The following ECPAS variants were observed in gnomAD, a reference collection of about 807,000 sequenced individuals.
The protein encoded by ECPAS is Ecm29 proteasome adaptor and scaffold.
ECPAS carries 70 observed loss-of-function variants against 255.1 expected under a neutral mutation model. The ratio of observed to expected loss-of-function variants is 0.27; its 90% CI spans 0.23 to 0.33. The LOEUF (loss-of-function observed/expected upper bound fraction) is 0.33, where lower values mean the gene tolerates loss of function less well. ECPAS is among the 10% of genes least tolerant of loss of function. The pLI, the probability that ECPAS is intolerant of heterozygous loss-of-function variation, is 1.00. For missense variants in ECPAS, 1,817 were observed against 2,206.4 expected (o/e 0.82, Z 3.54); for synonymous variants, 784 against 775.0 (o/e 1.01, Z -0.19).
chr9:111,392,744 C>T, intron 28 of ECPAS, 24 bp downstream of exon 28: 2 of 1,497,240 alleles, frequency 1.3e-6, no homozygotes, highest in Non-Finnish European at 1.9e-6. Context: ...GGGCTTGAAT[C>T]TAAAATTTTC....
At chr9:111,431,852 T>C (rs946473989) in intron 8 of ECPAS, among the ~76,000 whole-genome samples, 2 of 152,228 alleles carry the variant, frequency 1.3e-5, no homozygotes, top group South Asian at 2.1e-4. Flanking sequence ...AGAGGCATTC[T>C]ACAATTCTGT....
At chr9:111,388,816 A>G (rs188402557) in intron 31 of ECPAS, among the ~76,000 whole-genome samples, 1 of 152,298 alleles carries the variant, frequency 6.6e-6, no homozygotes, top group East Asian at 1.9e-4. Context: ...AAAATAAAGT[A>G]TGACACCAAG....
At chr9:111,425,554 T>A in intron 11 of ECPAS, 58 bp from the exon 12 acceptor site, 1 of 1,203,494 alleles carries the variant, frequency 8.3e-7, no homozygotes, top group Non-Finnish European at 1.2e-6. Flanking sequence ...TACATATCTT[T>A]ACGGATGATT....
At chr9:111,401,085 AG>A (rs2098175276) in intron 24 of ECPAS, among the ~76,000 whole-genome samples, 1 of 152,218 alleles carries the variant, frequency 6.6e-6, no homozygotes. Flanking sequence ...ACAGGCCAGG[AG>A]GGAGTGAAAT....
chr9:111,481,642 G>A (rs78202172), intron 1 of ECPAS, among the ~76,000 whole-genome samples: 3,605 of 152,320 alleles, frequency 0.024, 148 homozygotes, highest in African/African-American at 0.082. Context: ...AGGGGTATCT[G>A]TACACCCATG....
chr9:111,405,979 G>C (rs2098183391), intron 24 of ECPAS, among the ~76,000 whole-genome samples: 1 of 149,634 alleles, frequency 6.7e-6, no homozygotes, highest in Admixed American at 6.6e-5. Flanking sequence ...ACTAAAAATA[G>C]AACTATCATA....
rs753297889 is a variant in ECPAS at position 111,394,172 on chromosome 9, G to C, written c.2910C>G (p.His970Gln). The C allele has an allele frequency of 6.2e-7, 1 of 1,606,728 alleles. No individual in the cohort carries two copies. Among genetic ancestry groups the C allele is most frequent in the Non-Finnish European group, 8.5e-7 (1 of 1,176,768 alleles). Residue 970 changes from histidine to glutamine, a missense_variant, in exon 26 of 50, where the codon CAC becomes CAG. Transcript: ENST00000684092. Reference sequence around the variant, plus strand: ...CAGCATGGCTCACCTTCACTTCTTTGTGGGTACTTAGCTTCCTGACAAGGG... The same window carrying C: ...CAGCATGGCTCACCTTCACTTCTTTCTGGGTACTTAGCTTCCTGACAAGGG... ...LLSLVRKLST[H>Q]KEVKSHLKEI...
chr9:111,391,394 A>G (rs967719539), intron 29 of ECPAS, among the ~76,000 whole-genome samples: 2 of 152,040 alleles, frequency 1.3e-5, no homozygotes, highest in African/African-American at 4.8e-5. Context: ...CCTGACCAAC[A>G]TAGTGAAACC....
At chr9:111,478,024 C>G (rs942799702) in intron 1 of ECPAS, among the ~76,000 whole-genome samples, 1 of 151,798 alleles carries the variant, frequency 6.6e-6, no homozygotes, top group Admixed American at 6.6e-5. Flanking sequence ...ACTCAGCCTC[C>G]CAAGTAGCTG....
In ECPAS at chr9:111,464,021, G is replaced by T. The variant is rs11790915; in HGVS notation, c.22+8876C>A. 9.6e-4 allele frequency among the ~76,000 whole-genome samples: 146 copies of T among 152,280 alleles called. 1 individual carries two copies. Among genetic ancestry groups the T allele is most frequent in the African/African-American group, 2.9e-3 (119 of 41,552 alleles). ...TATTGAAAAAGTGCTTCTAGAATAAGAAGTGTTAAATAAATTAACAGTGAT... is the reference window on the plus strand; with the variant it reads ...TATTGAAAAAGTGCTTCTAGAATAATAAGTGTTAAATAAATTAACAGTGAT... On this transcript the variant is annotated intron_variant, in intron 2 of 49. Transcript: ENST00000684092.
chr9:111,472,185 T>C (rs1196302829), intron 2 of ECPAS, among the ~76,000 whole-genome samples: 1 of 147,560 alleles, frequency 6.8e-6, no homozygotes, highest in African/African-American at 2.5e-5. Flanking sequence ...GAGATCAAGG[T>C]GGCAGTTAGC....
At chr9:111,415,583 C>T (rs1207391463) in intron 18 of ECPAS, among the ~76,000 whole-genome samples, 2 of 151,884 alleles carry the variant, frequency 1.3e-5, no homozygotes, top group African/African-American at 4.8e-5. Context: ...CGCCTGTAGT[C>T]ATGGCTACTC....
Position 111,432,655 on chromosome 9 carries a change from A to G in ECPAS, c.848+578T>C, listed in dbSNP as rs2098231793. ...AATAAAAATAAAAATCGCAGTTTCA[A>G]TAGAAACGTAAATGGGTTTAACCAC... On this transcript the variant is annotated intron_variant, in intron 8 of 49. Transcript: ENST00000684092. Among the ~76,000 whole-genome samples, 3 of 152,346 alleles carry G rather than the reference A, an allele frequency of 2.0e-5. No individual in the cohort carries two copies. The South Asian group carries it at 6.2e-4, about 32-fold the overall frequency.
Position 111,366,537 on chromosome 9 carries a change from T to C in ECPAS, c.5204A>G (p.Asn1735Ser). ...AGCAATTTACCCCTGAAAAAAGGCATTCATTGATTGCAGGACTCCTAGCTG... is the reference window on the plus strand; with the variant it reads ...AGCAATTTACCCCTGAAAAAAGGCACTCATTGATTGCAGGACTCCTAGCTG... ...KVQLGVLQSM[N>S]AFFQGLMLLE... The change falls in exon 47 of 50, where the codon AAT becomes AGT. Residue 1735 changes from asparagine to serine, a missense_variant. Physicochemically the swap from Asn to Ser is conservative, Grantham distance 46. Coordinates refer to ENST00000684092, the MANE Select transcript of ECPAS (RefSeq NM_001364929.1). 2 of 1,612,382 alleles carry C rather than the reference T, an allele frequency of 1.2e-6. No homozygotes were observed. Among genetic ancestry groups the C allele is most frequent in the South Asian group, 1.1e-5 (1 of 91,052 alleles).
intron 2 of ECPAS, among the ~76,000 whole-genome samples, chr9:111,454,312 G>C (rs930373848): frequency 9.3e-5 from 14 of 150,830 alleles, no homozygotes; most frequent in Non-Finnish European, 1.2e-4. Flanking sequence ...GGGGGAGATG[G>C]GGGGGTGGGG....
At chr9:111,386,284 T>G (rs766459487) in intron 32 of ECPAS, 93 bp downstream of exon 32, 280 of 851,192 alleles carry the variant, frequency 3.3e-4, no homozygotes, top group Non-Finnish European at 5.1e-4. Context: ...TAGTTTTAAT[T>G]TATTCCTTTT....
intron 3 of ECPAS, among the ~76,000 whole-genome samples, chr9:111,450,521 A>C (rs1284258003): frequency 6.6e-6 from 1 of 152,248 alleles, no homozygotes; most frequent in African/African-American, 2.4e-5. Context: ...CCAAGGAATA[A>C]AACCTGACCA....
chr9:111,474,366 C>T (rs966089422), intron 1 of ECPAS, among the ~76,000 whole-genome samples: 1 of 152,186 alleles, frequency 6.6e-6, no homozygotes, highest in Non-Finnish European at 1.5e-5. Context: ...ACCCTCATCT[C>T]GTCAGCCAAC....
At chr9:111,403,547 C>A (rs978733906) in intron 24 of ECPAS, among the ~76,000 whole-genome samples, 5 of 149,818 alleles carry the variant, frequency 3.3e-5, no homozygotes, top group Admixed American at 2.0e-4. Flanking sequence ...GGGCTCAATT[C>A]AGCAAGAGCA....
Sources: allele counts gnomAD v4.1 joint callset (sites outside exome capture counted in the v4.1 genomes callset), GRCh38; gene constraint gnomAD v4.1.1; transcripts MANE v1.5; gene names NCBI Gene and HGNC (gene_info 2026-07-23, HGNC 2026-07-21).